The following ZBTB25 variants were observed in gnomAD, a reference collection of about 807,000 sequenced individuals.
ZBTB25 encodes the protein zinc finger and BTB domain-containing protein 25.
In ZBTB25, 20 loss-of-function variants were observed where a neutral mutation model predicts 34.2. That is an observed-to-expected ratio of 0.58 (90% CI 0.41 to 0.85). ZBTB25 has a LOEUF of 0.85. ZBTB25 is among the 40% of genes least tolerant of loss of function. The pLI, the probability that ZBTB25 is intolerant of heterozygous loss-of-function variation, is 0.00. For missense variants in ZBTB25, 437 were observed against 521.8 expected, an observed-to-expected ratio of 0.84 and a Z score of 1.58; for synonymous variants, 175 against 186.4, an observed-to-expected ratio of 0.94 and a Z score of 0.50.
intron 2 of ZBTB25, chr14:64,466,993 A>C (rs2078618861): frequency 6.6e-6 from 1 of 152,240 alleles, no homozygotes; most frequent in Admixed American, 6.5e-5. Context: ...AAAAAATAAA[A>C]TATAAAGAAT....
At position 64,482,947 on chromosome 14, in the gene ZBTB25, A is replaced by T. The variant is rs953007308; in HGVS notation, c.*3976T>A. The T allele has an allele frequency of 6.6e-6, 1 of 152,212 alleles. No homozygotes were observed. Among genetic ancestry groups the T allele is most frequent in the South Asian group, 2.1e-4 (1 of 4,824 alleles). The allele number at this position is 152,212 out of a possible 1,614,324, so 9.4% of individuals were successfully genotyped here. A position where few individuals can be genotyped will look rare whatever the true frequency, so the allele number is the denominator to read the frequency against. ...GAAATCAGAAAGAGCAAGAAGTAAC[A>T]ATCTCAAGAGTTATAAATAAAAAAA... On this transcript the variant is annotated 3_prime_UTR_variant, in exon 3 of 3. Coordinates refer to ENST00000608382, the MANE Select transcript of ZBTB25 (RefSeq NM_006977.5).
intron 2 of ZBTB25, chr14:64,468,765 GACTTAA>G: frequency 6.2e-7 from 1 of 1,614,134 alleles, no homozygotes; most frequent in East Asian, 2.2e-5. Context: ...GCAAAATCTA[GACTTAA>G]GATTCCCTGC....
chr14:64,500,448 A>G (rs1442703781), intron 1 of ZBTB25, among the ~76,000 whole-genome samples: 1 of 142,096 alleles, frequency 7.0e-6, no homozygotes, highest in African/African-American at 2.6e-5. Flanking sequence ...TTTTCTCCCA[A>G]TAAAGCAAAA....
At chr14:64,498,787 C>T (rs1268593685) in intron 1 of ZBTB25, among the ~76,000 whole-genome samples, 6 of 152,084 alleles carry the variant, frequency 3.9e-5, no homozygotes, top group African/African-American at 1.4e-4. Flanking sequence ...GCGCCCACCA[C>T]CACACCCAGC....
intron 1 of ZBTB25, among the ~76,000 whole-genome samples, chr14:64,501,867 G>C (rs1011095320): frequency 5.9e-5 from 9 of 152,236 alleles, no homozygotes; most frequent in African/African-American, 2.2e-4. Flanking sequence ...GAGGGCAGCT[G>C]AAAGTCCTGC....
chr14:64,499,857 G>C (rs56007903), intron 1 of ZBTB25, among the ~76,000 whole-genome samples: 2 of 152,290 alleles, frequency 1.3e-5, no homozygotes, highest in East Asian at 3.9e-4. Flanking sequence ...GGGTATGGAG[G>C]GGGTAGATGA....
At chr14:64,468,765 G>T (rs913878475) in intron 2 of ZBTB25, 1 of 1,614,134 alleles carries the variant, frequency 6.2e-7, no homozygotes, top group Admixed American at 1.7e-5. Flanking sequence ...GCAAAATCTA[G>T]ACTTAAGATT....
rs2078741554 is a variant in ZBTB25, at chr14:64,478,537, C to T, written c.*8386G>A. The T allele has an allele frequency of 6.6e-6, 1 of 152,166 alleles. No individual in the cohort carries two copies. The highest frequency in any genetic ancestry group is 1.5e-5 in the Non-Finnish European group (1 of 68,042). The allele number at this position is 152,166 out of a possible 1,614,324, so 9.4% of individuals were successfully genotyped here. On this transcript the variant is annotated 3_prime_UTR_variant, in exon 3 of 3. Coordinates refer to ENST00000608382, the MANE Select transcript of ZBTB25 (RefSeq NM_006977.5). ...TCTTGACCAGGCAGAACACCAAAAA[C>T]TGAGTGTGATGCCTGATTAAAAGAG...
chr14:64,493,576 A>G (rs1169385741), intron 1 of ZBTB25, among the ~76,000 whole-genome samples: 1 of 152,190 alleles, frequency 6.6e-6, no homozygotes, highest in Non-Finnish European at 1.5e-5. Flanking sequence ...GGAGCCTACT[A>G]TGGTATCAAA....
At chr14:64,498,606 C>T (rs894493128) in intron 1 of ZBTB25, among the ~76,000 whole-genome samples, 4 of 151,486 alleles carry the variant, frequency 2.6e-5, no homozygotes, top group African/African-American at 4.9e-5. Flanking sequence ...CCACTGTTCC[C>T]GGCCAGATTG....
chr14:64,505,123 T>G (rs1321184098), upstream of ZBTB25: 4 of 343,838 alleles, frequency 1.2e-5, no homozygotes, highest in Non-Finnish European at 2.1e-5. Flanking sequence ...CGCCTGCTTG[T>G]TGCCGGCGCG....
Position 64,490,587 on chromosome 14 carries a change from C to T in ZBTB25, c.-7-47G>A, listed in dbSNP as rs535207937. On this transcript the variant is annotated intron_variant, in intron 1 of 2. Coordinates refer to ENST00000608382, the MANE Select transcript of ZBTB25 (RefSeq NM_006977.5). ...ATGTAGATAGGTGTGTATGTATATA[C>T]GCATTATTTTTTATTAATACAAAAT... is the stretch of plus-strand genomic sequence containing the variant. 7.9e-5 allele frequency: 114 copies of T among 1,437,660 alleles called. 2 individuals carry two copies. The South Asian group carries it at 1.5e-3, about 19-fold the overall frequency. The allele number at this position is 1,437,660 out of a possible 1,614,324, so 89.1% of individuals were successfully genotyped here. A position where few individuals can be genotyped will look rare whatever the true frequency, so the allele number is the denominator to read the frequency against.
In ZBTB25 at chr14:64,483,390, GCC is replaced by G. The variant is rs2078818060; in HGVS notation, c.*3531_*3532del. 1.3e-5 allele frequency: 2 copies of G among 152,196 alleles called. No homozygotes were observed. Among genetic ancestry groups the G allele is most frequent in the East Asian group, 3.9e-4 (2 of 5,148 alleles). The allele number at this position is 152,196 out of a possible 1,614,324, so 9.4% of individuals were successfully genotyped here. ...CCTCCCGGGTTCAAGCTATTCCACT[GCC>G]TCAGCCTCTCGAGTAGCTGGGATTA... On this transcript the variant is annotated 3_prime_UTR_variant, in exon 3 of 3. Coordinates refer to ENST00000608382, the MANE Select transcript of ZBTB25 (RefSeq NM_006977.5).
chr14:64,449,573 A>T, exon 3 of ZBTB25: 1 of 1,614,246 alleles, frequency 6.2e-7, no homozygotes, highest in Non-Finnish European at 8.5e-7. Context: ...CAGGCCGTCC[A>T]GAGAGCAGCA....
intron 2 of ZBTB25, chr14:64,458,136 T>C: frequency 8.7e-7 from 1 of 1,147,860 alleles, no homozygotes; most frequent in Middle Eastern, 1.9e-4. Context: ...AGTGATCCTC[T>C]CCACCTCAGC....
In ZBTB25 at chr14:64,485,721, T is replaced by C; in HGVS notation, c.*1202A>G. 1.0e-6 allele frequency: 1 copy of C among 985,354 alleles called. No individual in the cohort carries two copies. The highest frequency in any genetic ancestry group is 1.2e-6 in the Non-Finnish European group (1 of 829,896). The allele number at this position is 985,354 out of a possible 1,614,324, so 61.0% of individuals were successfully genotyped here. A position where few individuals can be genotyped will look rare whatever the true frequency, so the allele number is the denominator to read the frequency against. On this transcript the variant is annotated 3_prime_UTR_variant, in exon 3 of 3. Transcript: ENST00000608382. ...ACTTTTTCAGTGATTTTTAGAAAAT[T>C]AAAATCAACCCAGGAAGCCCCAAAA...
chr14:64,461,551 T>C (rs2078554654), intron 2 of ZBTB25: 2 of 151,330 alleles, frequency 1.3e-5, no homozygotes, highest in Admixed American at 1.3e-4. Context: ...CAGAGTTAAT[T>C]GCTTCTGGTA....
intron 2 of ZBTB25, among the ~76,000 whole-genome samples, chr14:64,464,551 C>A (rs2078590331): frequency 6.6e-6 from 1 of 152,194 alleles, no homozygotes; most frequent in South Asian, 2.1e-4. Context: ...GACATTTACA[C>A]TCCCTAAGGT....
At chr14:64,500,924 G>A (rs2079473610) in intron 1 of ZBTB25, among the ~76,000 whole-genome samples, 1 of 152,134 alleles carries the variant, frequency 6.6e-6, no homozygotes, top group South Asian at 2.1e-4. Flanking sequence ...GGTGGCAGGC[G>A]CCTGTAATCC....
Sources: gnomAD v4.1 joint callset for allele counts (sites outside exome capture counted in the v4.1 genomes callset) on GRCh38, gnomAD v4.1.1 for gene constraint, MANE v1.5 for transcripts, NCBI Gene and HGNC (gene_info 2026-07-23, HGNC 2026-07-21) for gene names.